The following MACROD2 variants were observed in gnomAD, a reference collection of about 807,000 sequenced individuals.
MACROD2 encodes the protein ADP-ribose glycohydrolase MACROD2.
Under a neutral mutation model 70.4 loss-of-function variants are expected in MACROD2, and 36 were observed. The observed-to-expected ratio is 0.51, with a 90% confidence interval of 0.39 to 0.68. The LOEUF (loss-of-function observed/expected upper bound fraction) is 0.68. Ranked by LOEUF, MACROD2 falls within the 30% of genes least tolerant of loss-of-function variation. MACROD2 has a pLI of 0.00. For synonymous variants in MACROD2, 172 were observed against 178.8 expected (o/e 0.96, Z 0.30); for missense variants, 496 against 538.4 (o/e 0.92, Z 0.78).
chr20:14,026,657 C>T (rs1051098667), intron 2 of MACROD2, among the ~76,000 whole-genome samples: 3 of 152,088 alleles, frequency 2.0e-5, no homozygotes, highest in South Asian at 2.1e-4. Context: ...TCTTTAAGAA[C>T]GTTGAATATT....
chr20:14,360,939 T>G (rs765172413), intron 3 of MACROD2, among the ~76,000 whole-genome samples: 1 of 152,204 alleles, frequency 6.6e-6, no homozygotes, highest in Non-Finnish European at 1.5e-5. Context: ...GGAAGATATC[T>G]CACAGAAGGA....
At chr20:14,570,023 T>A (rs1288572783) in intron 4 of MACROD2, among the ~76,000 whole-genome samples, 1 of 152,034 alleles carries the variant, frequency 6.6e-6, no homozygotes, top group Non-Finnish European at 1.5e-5. Flanking sequence ...CATTTCTAAG[T>A]CTATAACCAA....
intron 4 of MACROD2, chr20:14,628,699 A>G (rs1366731466): frequency 6.6e-6 from 1 of 152,218 alleles, no homozygotes; most frequent in Non-Finnish European, 1.5e-5. Flanking sequence ...TAGGGACCAT[A>G]TCATACAGAC....
intron 8 of MACROD2, among the ~76,000 whole-genome samples, chr20:15,585,490 C>A (rs1237039843): frequency 2.0e-5 from 3 of 152,132 alleles, no homozygotes; most frequent in African/African-American, 7.2e-5. Context: ...GCCACCATGC[C>A]CGGCCTGGAG....
chr20:14,033,623 G>C (rs1222136762), intron 2 of MACROD2, among the ~76,000 whole-genome samples: 1 of 152,160 alleles, frequency 6.6e-6, no homozygotes, highest in Non-Finnish European at 1.5e-5. Context: ...CATGCACATG[G>C]AGAAAGAATC....
intron 8 of MACROD2, among the ~76,000 whole-genome samples, chr20:15,792,829 G>A (rs2063637046): frequency 6.6e-6 from 1 of 152,086 alleles, no homozygotes; most frequent in South Asian, 2.1e-4. Flanking sequence ...TTATTCAATA[G>A]TATATTCACA....
At chr20:14,434,173 C>G (rs938201023) in intron 3 of MACROD2, among the ~76,000 whole-genome samples, 16 of 152,082 alleles carry the variant, frequency 1.1e-4, no homozygotes, top group Admixed American at 1.0e-3. Flanking sequence ...AATTTAAATT[C>G]TCAAATTCTA....
At chr20:14,065,108 G>A (rs2053740251) in intron 2 of MACROD2, among the ~76,000 whole-genome samples, 1 of 152,190 alleles carries the variant, frequency 6.6e-6, no homozygotes, top group African/African-American at 2.4e-5. Context: ...CTGCACCTTT[G>A]AATTTGGCTG....
At chr20:14,685,059 A>G in intron 5 of MACROD2, 100 bp downstream of exon 5, 1 of 909,774 alleles carries the variant, frequency 1.1e-6, no homozygotes, top group South Asian at 1.6e-5. Flanking sequence ...GTGGTATTTA[A>G]TTAAATGTGC....
intron 8 of MACROD2, among the ~76,000 whole-genome samples, chr20:15,632,284 T>C (rs1158461301): frequency 6.6e-6 from 1 of 152,176 alleles, no homozygotes; most frequent in East Asian, 1.9e-4. Context: ...TAAATGACTG[T>C]GTCAATTCAG....
At chr20:14,624,770 G>C (rs1420078373) in intron 4 of MACROD2, among the ~76,000 whole-genome samples, 2 of 152,166 alleles carry the variant, frequency 1.3e-5, no homozygotes, top group African/African-American at 4.8e-5. Context: ...CAAGGTGGGG[G>C]ATGTTATCCT....
At chr20:14,908,634 G>A (rs1275856882) in intron 5 of MACROD2, among the ~76,000 whole-genome samples, 1 of 151,888 alleles carries the variant, frequency 6.6e-6, no homozygotes, top group African/African-American at 2.4e-5. Flanking sequence ...CTGCACTCTA[G>A]CCTGGGTGAC....
intron 8 of MACROD2, among the ~76,000 whole-genome samples, chr20:15,612,544 A>G (rs956389798): frequency 1.1e-4 from 16 of 152,224 alleles, no homozygotes; most frequent in Admixed American, 1.0e-3. Context: ...AAACATATTC[A>G]TAGGACACGT....
intron 5 of MACROD2, among the ~76,000 whole-genome samples, chr20:15,214,822 A>G (rs576749973): frequency 2.0e-5 from 3 of 152,254 alleles, no homozygotes; most frequent in African/African-American, 7.2e-5. Flanking sequence ...CTATCAAAAT[A>G]CTCTATTGAT....
In MACROD2 at chr20:15,833,460, A is replaced by T. The variant is rs149400962; in HGVS notation, c.646-29285A>T. 1.0e-3 allele frequency among the ~76,000 whole-genome samples: 157 copies of T among 152,274 alleles called. 1 individual carries two copies. The East Asian group carries it at 0.02, about 19-fold the overall frequency. Reference sequence around the variant, plus strand: ...GTAGGGGTGTGGGAAGCAGACACAAACATTCTGATTTAATCCACTGGAATT... The same window carrying T: ...GTAGGGGTGTGGGAAGCAGACACAATCATTCTGATTTAATCCACTGGAATT... On this transcript the variant is annotated intron_variant, in intron 8 of 17. Transcript: ENST00000684519.
intron 3 of MACROD2, among the ~76,000 whole-genome samples, chr20:14,216,024 A>T (rs1043765631): frequency 2.6e-5 from 4 of 151,960 alleles, no homozygotes; most frequent in African/African-American, 9.7e-5. Context: ...ATTAAGTCCC[A>T]GCTATTTATC....
At chr20:14,855,224 A>G (rs2073241443) in intron 5 of MACROD2, among the ~76,000 whole-genome samples, 1 of 152,124 alleles carries the variant, frequency 6.6e-6, no homozygotes, top group Admixed American at 6.5e-5. Flanking sequence ...TTCCCGATGA[A>G]CTGCAAGATT....
intron 7 of MACROD2, among the ~76,000 whole-genome samples, chr20:15,499,071 C>A (rs2047333317): frequency 6.6e-6 from 1 of 152,176 alleles, no homozygotes. Flanking sequence ...CTCTGCAGGT[C>A]CAGGAATGTG....
intron 8 of MACROD2, among the ~76,000 whole-genome samples, chr20:15,501,408 A>G (rs1185796730): frequency 3.3e-5 from 5 of 152,218 alleles, no homozygotes; most frequent in Admixed American, 1.3e-4. Flanking sequence ...CATATCATCG[A>G]GGATGTAGTG....
Sources: gnomAD v4.1 joint callset for allele counts (sites outside exome capture counted in the v4.1 genomes callset) on GRCh38, gnomAD v4.1.1 for gene constraint, MANE v1.5 for transcripts, NCBI Gene and HGNC (gene_info 2026-07-23, HGNC 2026-07-21) for gene names.